Variants in RAB40B observed in about 807,000 individuals in gnomAD.
RAB40B encodes ras-related protein Rab-40B.
RAB40B carries 21 observed loss-of-function variants against 24.0 expected under a neutral mutation model. The observed-to-expected ratio is 0.88, with a 90% CI of 0.62 to 1.26. The LOEUF is 1.26. Ranked by LOEUF, RAB40B falls within the 50% of genes most tolerant of loss-of-function variation. The pLI, the probability that RAB40B is intolerant of heterozygous loss-of-function variation, is 0.00. For missense variants in RAB40B, 348 were observed against 390.5 expected (o/e 0.89, Z 0.92); for synonymous variants, 167 against 169.8 (o/e 0.98, Z 0.13).
At chr17:82,691,008 G>A (rs2143553121) in intron 1 of RAB40B, among the ~76,000 whole-genome samples, 1 of 152,292 alleles carries the variant, frequency 6.6e-6, no homozygotes, top group South Asian at 2.1e-4. Context: ...TCGTCTCCGG[G>A]AAGAAAAGCT....
In RAB40B at chr17:82,667,945, G is replaced by T. The variant is rs538259775; in HGVS notation, c.143-3389C>A. Reference sequence around the variant, plus strand: ...TCTTCTTGGCATGGGCGCTGACGGGGCACTGATGGGGCCTTTGGGATGTTG... The same window carrying T: ...TCTTCTTGGCATGGGCGCTGACGGGTCACTGATGGGGCCTTTGGGATGTTG... On this transcript the variant is annotated intron_variant, in intron 1 of 5. Coordinates refer to ENST00000571995, the MANE Select transcript of RAB40B (RefSeq NM_006822.3). This position sits in a 1 kb window ranked among gnomAD's most constrained non-coding sequence, Gnocchi z 4.3. Among the ~76,000 whole-genome samples the T allele has an allele frequency of 7.9e-5, 12 of 152,288 alleles. No homozygotes were observed. Among genetic ancestry groups the T allele is most frequent in the Admixed American group, 7.8e-4 (12 of 15,300 alleles).
intron 3 of RAB40B, among the ~76,000 whole-genome samples, chr17:82,660,352 T>TACAC (rs147057391): frequency 6.7e-6 from 1 of 148,226 alleles, no homozygotes; most frequent in African/African-American, 2.5e-5. Context: ...CACGCACGTG[T>TACAC]ACACACACAC....
At chr17:82,666,316 C>G (rs558034680) in intron 1 of RAB40B, among the ~76,000 whole-genome samples, 2 of 152,072 alleles carry the variant, frequency 1.3e-5, no homozygotes, top group African/African-American at 4.8e-5. Flanking sequence ...GCAATCTTGG[C>G]TCACTGCAAC....
chr17:82,697,738 C>A lies in RAB40B; in HGVS notation c.142+717G>T, dbSNP rs542265291. ...CGTCCACCCCCTCGCCGGGCGCCGG[C>A]TTTCAAGCCTCAAACTTGGGGGATC... On this transcript the variant is annotated intron_variant, in intron 1 of 5. Coordinates refer to ENST00000571995, the MANE Select transcript of RAB40B (RefSeq NM_006822.3). The surrounding 1 kb of genome is among the most constrained non-coding windows in gnomAD (Gnocchi z 4.9). Among the ~76,000 whole-genome samples, 8 of 152,340 alleles carry A rather than the reference C, an allele frequency of 5.3e-5. No individual in the cohort carries two copies. In the East Asian group the frequency reaches 1.4e-3, roughly 26 times the overall value.
chr17:82,660,128 TAC>T (rs904961982), intron 3 of RAB40B, among the ~76,000 whole-genome samples: 5 of 150,462 alleles, frequency 3.3e-5, no homozygotes, highest in Non-Finnish European at 4.4e-5. Flanking sequence ...TGCACACGTG[TAC>T]ACACGTGTAC....
chr17:82,686,517 A>C (rs1230967860), intron 1 of RAB40B, among the ~76,000 whole-genome samples: 1 of 152,228 alleles, frequency 6.6e-6, no homozygotes, highest in Non-Finnish European at 1.5e-5. Flanking sequence ...ATTTGGGGAC[A>C]CAGACACCCA....
chr17:82,660,687 T>TAC (rs66713002), intron 3 of RAB40B, among the ~76,000 whole-genome samples: 3,449 of 147,966 alleles, frequency 0.023, 54 homozygotes, highest in Non-Finnish European at 0.037. Context: ...CACACACATG[T>TAC]ACACACACAC....
rs1315070524 is a variant in RAB40B, at chr17:82,657,627, C to A, written c.*236G>T. ...GAATTTCATGTTACCAAGAGTCGAG[C>A]AGAGTACTAATTTTCCCTTTACAAA... On this transcript the variant is annotated 3_prime_UTR_variant, in exon 6 of 6. Coordinates refer to ENST00000571995, the MANE Select transcript of RAB40B (RefSeq NM_006822.3). The A allele has an allele frequency of 4.6e-6, 3 of 657,676 alleles. No homozygotes were observed. The highest frequency in any genetic ancestry group is 8.4e-6 in the Non-Finnish European group (3 of 356,148). 40.7% of individuals were successfully genotyped at this position (657,676 alleles called of 1,614,324 possible). A position where few individuals can be genotyped will look rare whatever the true frequency, so the allele number is the denominator to read the frequency against.
chr17:82,690,500 G>A (rs1318297676), intron 1 of RAB40B, among the ~76,000 whole-genome samples: 20 of 142,818 alleles, frequency 1.4e-4, no homozygotes, highest in Admixed American at 7.0e-4. Context: ...CCGGGGAGCA[G>A]AGAGTGTGCA....
intron 1 of RAB40B, among the ~76,000 whole-genome samples, chr17:82,670,332 A>G (rs928818401): frequency 6.6e-6 from 1 of 151,706 alleles, no homozygotes; most frequent in African/African-American, 2.4e-5. Context: ...TTACAGGCAC[A>G]CGCCAGCAAG....
intron 1 of RAB40B, among the ~76,000 whole-genome samples, chr17:82,687,409 C>T (rs1432748345): frequency 1.3e-5 from 2 of 152,118 alleles, no homozygotes; most frequent in South Asian, 2.1e-4. Flanking sequence ...AAACAAAATG[C>T]CAGTCCTATC....
chr17:82,671,468 CTCTA>C, intron 1 of RAB40B, among the ~76,000 whole-genome samples: 1 of 137,022 alleles, frequency 7.3e-6, no homozygotes, highest in Non-Finnish European at 1.6e-5. Context: ...ACCCCTGTAA[CTCTA>C]ACACACACTC....
In RAB40B at chr17:82,655,223, C is replaced by G. The variant is rs1479505862; in HGVS notation, c.*2640G>C. 2 of 151,942 alleles carry G rather than the reference C, an allele frequency of 1.3e-5. No individual in the cohort carries two copies. The highest frequency in any genetic ancestry group is 2.9e-5 in the Non-Finnish European group (2 of 67,982). 9.4% of individuals were successfully genotyped at this position (151,942 alleles called of 1,614,324 possible). On this transcript the variant is annotated 3_prime_UTR_variant, in exon 6 of 6. Transcript: ENST00000571995. Reference sequence around the variant, plus strand: ...GCTCTGGAAGCCGGAAGTCCAAAACCAATAACTTGGCAGGGCTGTGCTCCC... The same window carrying G: ...GCTCTGGAAGCCGGAAGTCCAAAACGAATAACTTGGCAGGGCTGTGCTCCC...
At chr17:82,670,620 C>T (rs1254047293) in intron 1 of RAB40B, among the ~76,000 whole-genome samples, 1 of 151,482 alleles carries the variant, frequency 6.6e-6, no homozygotes, top group Non-Finnish European at 1.5e-5. Context: ...TTGTAACCTC[C>T]GCCTCCCGGG....
At position 82,660,152 on chromosome 17, in the gene RAB40B, C is replaced by T. The variant is rs537262711; in HGVS notation, c.265-495G>A. On this transcript the variant is annotated intron_variant, in intron 3 of 5. Transcript: ENST00000571995. ...GTACACACGTGTACTCATGCACAGA[C>T]GCACACAGTGCATACCTGCACACAT... is the stretch of plus-strand genomic sequence containing the variant. Among the ~76,000 whole-genome samples, 13 of 151,636 alleles carry T rather than the reference C, an allele frequency of 8.6e-5. 1 individual carries two copies. The highest frequency in any genetic ancestry group is 3.9e-4 in the East Asian group (2 of 5,140).
At chr17:82,672,211 C>A (rs868116259) in intron 1 of RAB40B, among the ~76,000 whole-genome samples, 1 of 124,442 alleles carries the variant, frequency 8.0e-6, no homozygotes, top group African/African-American at 3.2e-5. Context: ...TGACACACCC[C>A]ACCCCTGTAA....
At chr17:82,677,042 G>A (rs573643593) in intron 1 of RAB40B, among the ~76,000 whole-genome samples, 3 of 151,822 alleles carry the variant, frequency 2.0e-5, no homozygotes, top group African/African-American at 4.8e-5. Context: ...TCCACCTCCC[G>A]GGTTCAAGCA....
intron 1 of RAB40B, among the ~76,000 whole-genome samples, chr17:82,671,478 C>T (rs2046334475): frequency 1.0e-5 from 1 of 100,306 alleles, no homozygotes; most frequent in Non-Finnish European, 2.1e-5. Flanking sequence ...CTCTAACACA[C>T]ACTCACATGC....
chr17:82,698,613 C>T lies in RAB40B; in HGVS notation c.-17G>A. 1 of 1,435,634 alleles carries T rather than the reference C, an allele frequency of 7.0e-7. No homozygotes were observed. Among genetic ancestry groups the T allele is most frequent in the Non-Finnish European group, 9.3e-7 (1 of 1,078,108 alleles). 88.9% of individuals were successfully genotyped at this position (1,435,634 alleles called of 1,614,324 possible). ...GGCGCTCATCGTGACGGCCCGGCGC[C>T]CCCACCCATGCCCGGCCTGCGGGGC... On this transcript the variant is annotated 5_prime_UTR_variant, in exon 1 of 6. Coordinates refer to ENST00000571995, the MANE Select transcript of RAB40B (RefSeq NM_006822.3).
Sources: allele counts gnomAD v4.1 joint callset (sites outside exome capture counted in the v4.1 genomes callset), GRCh38; gene constraint gnomAD v4.1.1; non-coding constraint Gnocchi (gnomAD v3.1); transcripts MANE v1.5; gene names NCBI Gene and HGNC (gene_info 2026-07-23, HGNC 2026-07-21).